Variants in SMG1 observed in about 807,000 individuals in gnomAD.
The protein encoded by SMG1 is serine/threonine-protein kinase SMG1.
In SMG1, 22 loss-of-function variants were observed where a neutral mutation model predicts 419.9. The observed-to-expected ratio is 0.05, with a 90% confidence interval of 0.04 to 0.07. SMG1 has a LOEUF of 0.07. SMG1 is among the 10% of genes least tolerant of loss of function. SMG1 has a pLI of 1.00. For missense variants in SMG1, 3,185 were observed against 4,342.0 expected, an observed-to-expected ratio of 0.73 and a Z score of 7.49; for synonymous variants, 1,538 against 1,553.5, an observed-to-expected ratio of 0.99 and a Z score of 0.23.
At chr16:18,883,052 C>T (rs903584986) in intron 9 of SMG1, among the ~76,000 whole-genome samples, 30 of 152,248 alleles carry the variant, frequency 2.0e-4, no homozygotes, top group African/African-American at 6.0e-4. Context: ...AAGCGAAACA[C>T]TTCCTTGCTT....
chr16:18,867,700 C>CTTTTT (rs778044384), intron 22 of SMG1, among the ~76,000 whole-genome samples: 15 of 87,872 alleles, frequency 1.7e-4, no homozygotes, highest in South Asian at 4.3e-4. Context: ...ATTTTAACTT[C>CTTTTT]TTTTTTTTTT....
In SMG1 at chr16:18,812,135, G is replaced by GA. The variant is rs756512258; in HGVS notation, c.10622-9dup. On this transcript the variant is annotated splice_polypyrimidine_tract_variant and intron_variant, in intron 60 of 62. Coordinates refer to ENST00000446231, the MANE Select transcript of SMG1 (RefSeq NM_015092.5). ...CAGTGTTACTCCGGACTGCTACAGA[G>GA]AAAGAGTTGGTGGCTCAATTTACAT... 6.2e-6 allele frequency: 10 copies of GA among 1,607,218 alleles called. No homozygotes were observed. The East Asian group carries it at 2.0e-4, about 32-fold the overall frequency.
In SMG1 at chr16:18,920,603, G is replaced by A. The variant is rs186123379; in HGVS notation, c.92+5347C>T. Among the ~76,000 whole-genome samples, 260 of 150,502 alleles carry A rather than the reference G, an allele frequency of 1.7e-3. 1 individual carries two copies. Among genetic ancestry groups the A allele is most frequent in the Non-Finnish European group, 1.9e-3 (127 of 67,622 alleles). ...TAATCCCAGCACTTTGGGAGGCCAA[G>A]GAGGAAGGATCACTTGAGCCTAGGT... On this transcript the variant is annotated intron_variant, in intron 1 of 62. Coordinates refer to ENST00000446231, the MANE Select transcript of SMG1 (RefSeq NM_015092.5).
chr16:18,877,955 CAA>C (rs2036214764), intron 11 of SMG1: 1 of 152,082 alleles, frequency 6.6e-6, no homozygotes, highest in Non-Finnish European at 1.5e-5. Flanking sequence ...GAAAGGATAG[CAA>C]AGAGGCCTAG....
In SMG1 at chr16:18,926,156, A is replaced by AAGGAGGAGGAGGAGG. The variant is rs367683864; in HGVS notation, c.-130_-116dup. 32 of 674,776 alleles carry AAGGAGGAGGAGGAGG rather than the reference A, an allele frequency of 4.7e-5. No individual in the cohort carries two copies. The highest frequency in any genetic ancestry group is 4.3e-4 in the Middle Eastern group (1 of 2,350). 41.8% of individuals were successfully genotyped at this position (674,776 alleles called of 1,614,324 possible). On this transcript the variant is annotated 5_prime_UTR_variant, in exon 1 of 63. Transcript: ENST00000446231. ...GCCCGGGGCTGAGGAGGAAGCCGAG[A>AAGGAGGAGGAGGAGG]AGGAGGAGGAGGAGGAGGAGGAGGA...
chr16:18,892,440 T>A, intron 3 of SMG1, 86 bp from the exon 4 acceptor site: 1 of 1,096,486 alleles, frequency 9.1e-7, no homozygotes, highest in Non-Finnish European at 1.3e-6. Context: ...ATTATTTAAA[T>A]AATAACTAAA....
At chr16:18,891,012 T>C (rs540766808) in intron 4 of SMG1, 91 bp from the exon 5 acceptor site, 10 of 740,344 alleles carry the variant, frequency 1.4e-5, no homozygotes, top group Admixed American at 1.3e-4. Flanking sequence ...CCCCTCCAAA[T>C]TCTAATTCAA....
intron 51 of SMG1, among the ~76,000 whole-genome samples, chr16:18,831,390 T>C (rs963846275): frequency 1.4e-4 from 21 of 152,150 alleles, no homozygotes; most frequent in African/African-American, 4.6e-4. Context: ...GGCACAAAGT[T>C]TGTTACCCAA....
At position 18,847,462 on chromosome 16, in the gene SMG1, G is replaced by T; in HGVS notation, c.5987C>A (p.Thr1996Asn). ...GTGTATGGAAACATACTTGCGTAAG[G>T]TGTTGTTGTTCTGGACTCTCTTCAC... ...DEVKRVQNNN[T>N]LRKEEKIAIM... The change falls in exon 38 of 63, where the codon ACC becomes AAC. Residue 1996 changes from threonine (T) to asparagine (N), a missense_variant. Transcript: ENST00000446231. 6.2e-7 allele frequency: 1 copy of T among 1,614,002 alleles called. No individual in the cohort carries two copies.
At position 18,923,846 on chromosome 16, in the gene SMG1, G is replaced by A. The variant is rs146048525; in HGVS notation, c.92+2104C>T. Among the ~76,000 whole-genome samples the A allele has an allele frequency of 5.4e-3, 817 of 152,232 alleles. 7 individuals carry two copies. Among genetic ancestry groups the A allele is most frequent in the Non-Finnish European group, 9.6e-3 (652 of 68,026 alleles). ...GTTACCTGGAGTCTGTCGTCTTTCT[G>A]AATAGGGGACAGAATCACCTCAAAT... On this transcript the variant is annotated intron_variant, in intron 1 of 62. Coordinates refer to ENST00000446231, the MANE Select transcript of SMG1 (RefSeq NM_015092.5).
intron 60 of SMG1, among the ~76,000 whole-genome samples, chr16:18,814,164 A>G (rs2031763652): frequency 8.9e-6 from 1 of 111,986 alleles, no homozygotes; most frequent in Non-Finnish European, 2.1e-5. Context: ...AAAAATTATT[A>G]ACTGGAAAGG....
Position 18,837,414 on chromosome 16 carries a change from C to A in SMG1, c.7443G>T (p.Met2481Ile). The A allele has an allele frequency of 4.3e-6, 7 of 1,613,868 alleles. No homozygotes were observed. Among genetic ancestry groups the A allele is most frequent in the Non-Finnish European group, 5.9e-6 (7 of 1,179,820 alleles). Reference sequence around the variant, plus strand: ...CGTCCAACTTGGGAAGCACAACCAGCATCTCATCTCTATTCTTAAACCAGT... The same window carrying A: ...CGTCCAACTTGGGAAGCACAACCAGAATCTCATCTCTATTCTTAAACCAGT... ...KVNWFKNRDE[M>I]LVVLPKLDGS... is the part of the protein sequence containing the mutation. Residue 2481 changes from methionine (M) to isoleucine (I), a missense_variant, in exon 46 of 63, where the codon ATG becomes ATT. Met to Ile is a conservative substitution (Grantham distance 10, BLOSUM62 1). This residue lies in a region of SMG1 where 412 missense variants were observed against 546.6 expected (regional missense o/e 0.75). Coordinates refer to ENST00000446231, the MANE Select transcript of SMG1 (RefSeq NM_015092.5).
At chr16:18,818,093 AAT>A (rs1484788324) in intron 56 of SMG1, among the ~76,000 whole-genome samples, 7 of 151,120 alleles carry the variant, frequency 4.6e-5, no homozygotes, top group Admixed American at 6.6e-5. Context: ...AAAAAAAAAA[AAT>A]TTATTGGCCA....
At position 18,896,954 on chromosome 16, in the gene SMG1, G is replaced by A. The variant is rs763867652; in HGVS notation, c.95C>T (p.Thr32Ile). Residue 32 changes from threonine (T) to isoleucine (I), a missense_variant and splice_region_variant, in exon 2 of 63, where the codon ACT becomes ATT. Around this residue, in one of 27 missense-constraint regions of SMG1, gnomAD observed 88 missense variants for 85.9 expected, o/e 1.02. Transcript: ENST00000446231. ...PRSWNDWQPR[T>I]DSASADPDNL... ...ATCTGGGTCGGCTGATGCACTATCA[G>A]TTCTATAAAAAGAGAAAAGTTTAAG... is the stretch of plus-strand genomic sequence containing the variant. The A allele has an allele frequency of 3.8e-5, 59 of 1,541,822 alleles. No homozygotes were observed. The Admixed American group carries it at 8.7e-4, about 23-fold the overall frequency.
rs376066041 is a variant in SMG1 at position 18,860,435 on chromosome 16, G to A, written c.3805+232C>T. Among the ~76,000 whole-genome samples the A allele has an allele frequency of 3.5e-4, 53 of 152,080 alleles. 1 individual carries two copies. In the East Asian group the frequency reaches 0.01, roughly 29 times the overall value. ...TGTCCTTTATCAAACAAAATGGCTA[G>A]ATAAATCTCAAAGTATTAAGGTGGT... On this transcript the variant is annotated intron_variant, in intron 26 of 62. Coordinates refer to ENST00000446231, the MANE Select transcript of SMG1 (RefSeq NM_015092.5).
chr16:18,919,073 TC>T (rs1177658904), intron 1 of SMG1, among the ~76,000 whole-genome samples: 1 of 150,540 alleles, frequency 6.6e-6, no homozygotes, highest in African/African-American at 2.5e-5. Context: ...ATGCCTGTAA[TC>T]CCAGCACTTT....
At position 18,868,276 on chromosome 16, in the gene SMG1, C is replaced by T. The variant is rs1334866220; in HGVS notation, c.3109G>A (p.Val1037Ile). 8 of 1,509,292 alleles carry T rather than the reference C, an allele frequency of 5.3e-6. 1 individual carries two copies. The South Asian group carries it at 7.1e-5, about 13-fold the overall frequency. The allele number at this position is 1,509,292 out of a possible 1,614,324, so 93.5% of individuals were successfully genotyped here. A position where few individuals can be genotyped will look rare whatever the true frequency, so the allele number is the denominator to read the frequency against. ...GCAGGCTGGCCTGCCAACAATCCTA[C>T]CCTCATGATGGAGAGTCGAATCCGC... Reference protein sequence around the residue: ...LTRIRLSIMRVGLLAGQPAVT... With the variant: ...LTRIRLSIMRIGLLAGQPAVT... The change falls in exon 22 of 63, where the codon GTA (valine) becomes ATA (isoleucine). Residue 1037 changes from valine to isoleucine, a missense_variant. Coordinates refer to ENST00000446231, the MANE Select transcript of SMG1 (RefSeq NM_015092.5).
chr16:18,834,326 C>T lies in SMG1; in HGVS notation c.8443G>A (p.Val2815Ile), dbSNP rs1237565765. The T allele has an allele frequency of 4.3e-6, 7 of 1,613,474 alleles. No individual in the cohort carries two copies. Among genetic ancestry groups the T allele is most frequent in the South Asian group, 1.1e-5 (1 of 90,890 alleles). Residue 2815 changes from valine (V) to isoleucine (I), a missense_variant, in exon 50 of 63, where the codon GTC becomes ATC. Coordinates refer to ENST00000446231, the MANE Select transcript of SMG1 (RefSeq NM_015092.5). ...TTCAGTAACTGAACCAAGCAGGTGA[C>T]GTTTCCGCTCATACTGCAGAGTTCC... is the stretch of plus-strand genomic sequence containing the variant. Reference protein sequence around the residue: ...LEELCSMSGNVTCLVQLLKQC... With the variant: ...LEELCSMSGNITCLVQLLKQC...
intron 33 of SMG1, among the ~76,000 whole-genome samples, chr16:18,851,677 G>C (rs2034605922): frequency 6.6e-6 from 1 of 152,064 alleles, no homozygotes; most frequent in Admixed American, 6.6e-5. Context: ...CGAGTAGCTG[G>C]CATTACAGGC....
Sources: allele counts gnomAD v4.1 joint callset (sites outside exome capture counted in the v4.1 genomes callset), GRCh38; gene constraint gnomAD v4.1.1; regional missense constraint gnomAD v4.1.1; transcripts MANE v1.5; gene names NCBI Gene and HGNC (gene_info 2026-07-23, HGNC 2026-07-21).